Variants in NECAP2 observed in about 807,000 individuals in gnomAD.
NECAP2 encodes the protein adaptin ear-binding coat-associated protein 2.
Under a neutral mutation model 37.8 loss-of-function variants are expected in NECAP2, and 38 were observed. The observed-to-expected ratio is 1.01, with a 90% CI of 0.78 to 1.32. The LOEUF is 1.32. NECAP2 is among the 40% of genes most tolerant of loss of function. NECAP2 has a pLI of 0.00. For synonymous variants in NECAP2, 121 were observed against 127.7 expected, an observed-to-expected ratio of 0.95 and a Z score of 0.35; for missense variants, 316 against 334.5, an observed-to-expected ratio of 0.94 and a Z score of 0.43.
chr1:16,448,117 A>G lies in NECAP2; in HGVS notation c.356A>G (p.Asn119Ser), dbSNP rs769334345. The G allele has an allele frequency of 1.2e-6, 2 of 1,614,074 alleles. No individual in the cohort carries two copies. Among genetic ancestry groups the G allele is most frequent in the Non-Finnish European group, 1.7e-6 (2 of 1,179,998 alleles). The change falls in exon 4 of 8, where the codon AAT becomes AGT. Residue 119 changes from asparagine (N) to serine (S), a missense_variant. By Grantham distance (46) the Asn-to-Ser change is conservative. Transcript: ENST00000337132. The part of the protein sequence containing the change: ...FGDRGDAFDF[N>S]VALQDHFKWV... ...GACCGAGGTGATGCCTTTGACTTCAATGTTGCATTGCAGGACCATTTCAAG... is the reference window on the plus strand; with the variant it reads ...GACCGAGGTGATGCCTTTGACTTCAGTGTTGCATTGCAGGACCATTTCAAG...
intron 6 of NECAP2, 33 bp from the exon 7 acceptor site, chr1:16,455,785 C>G (rs752989951): frequency 7.0e-6 from 11 of 1,580,890 alleles, no homozygotes; most frequent in Non-Finnish European, 9.6e-6. Flanking sequence ...CCCCTCTTCT[C>G]TTCCTACGGG....
rs2100942781 is a variant in NECAP2 at position 16,443,149 on chromosome 1, C to G, written c.93-483C>G. Reference sequence around the variant, plus strand: ...CAGAATCAGGCCCCTGCAGCTGCTGCTTCTATAGAAAGGAAACTGGAAGGA... The same window carrying G: ...CAGAATCAGGCCCCTGCAGCTGCTGGTTCTATAGAAAGGAAACTGGAAGGA... On this transcript the variant is annotated intron_variant, in intron 1 of 7. Transcript: ENST00000337132. 1.3e-5 allele frequency among the ~76,000 whole-genome samples: 2 copies of G among 152,304 alleles called. 1 individual carries two copies. The highest frequency in any genetic ancestry group is 4.1e-4 in the South Asian group (2 of 4,830).
chr1:16,453,406 G>T (rs145818947), intron 6 of NECAP2, among the ~76,000 whole-genome samples: 1 of 152,132 alleles, frequency 6.6e-6, no homozygotes, highest in Admixed American at 6.5e-5. Context: ...ACTGCACCCG[G>T]CCCTTATGTT....
chr1:16,450,329 T>G, intron 5 of NECAP2: 1 of 343,156 alleles, frequency 2.9e-6, no homozygotes. Flanking sequence ...TTAAACATCC[T>G]CTCCCTTTCC....
chr1:16,458,913 G>T lies in NECAP2; in HGVS notation c.*23G>T. On this transcript the variant is annotated 3_prime_UTR_variant, in exon 8 of 8. Transcript: ENST00000337132. ...TGACCTGAGCACGGTTTTTCCTCAT[G>T]TGACTTCTGGGAAGGCGCTCCCTCA... 1 of 1,614,076 alleles carries T rather than the reference G, an allele frequency of 6.2e-7. No individual in the cohort carries two copies. The highest frequency in any genetic ancestry group is 8.5e-7 in the Non-Finnish European group (1 of 1,180,012).
At chr1:16,456,019 C>CTTT in intron 7 of NECAP2, 126 bp downstream of exon 7, 2 of 527,610 alleles carry the variant, frequency 3.8e-6, no homozygotes, top group South Asian at 3.1e-5. Context: ...TGGATGTTTT[C>CTTT]TTTTCTTTTT....
chr1:16,453,625 A>T (rs1215597572), intron 6 of NECAP2, among the ~76,000 whole-genome samples: 2 of 152,030 alleles, frequency 1.3e-5, no homozygotes, highest in Non-Finnish European at 2.9e-5. Flanking sequence ...AGTAGCTGAG[A>T]TTACAGGCAC....
At chr1:16,444,972 C>T (rs2086738920) in intron 2 of NECAP2, among the ~76,000 whole-genome samples, 1 of 152,128 alleles carries the variant, frequency 6.6e-6, no homozygotes, top group South Asian at 2.1e-4. Context: ...CAGGCGCCCC[C>T]CCACCACGCC....
chr1:16,449,458 C>A, intron 5 of NECAP2: 1 of 431,598 alleles, frequency 2.3e-6, no homozygotes, highest in Non-Finnish European at 4.1e-6. Context: ...GCCCTGGGTG[C>A]CGTGGGCTCC....
chr1:16,456,019 C>CTT, intron 7 of NECAP2, 126 bp downstream of exon 7: 10 of 527,594 alleles, frequency 1.9e-5, no homozygotes, highest in Admixed American at 7.0e-5. Flanking sequence ...TGGATGTTTT[C>CTT]TTTTCTTTTT....
chr1:16,457,451 C>CA (rs1002667984), intron 7 of NECAP2, among the ~76,000 whole-genome samples: 1 of 151,998 alleles, frequency 6.6e-6, no homozygotes, highest in Non-Finnish European at 1.5e-5. Context: ...GACTCCATCT[C>CA]AAAAAACAAA....
intron 1 of NECAP2, 112 bp from the exon 2 acceptor site, chr1:16,443,520 C>T (rs1158368807): frequency 1.3e-6 from 1 of 784,728 alleles, no homozygotes; most frequent in Non-Finnish European, 2.1e-6. Flanking sequence ...TGACTCTTTA[C>T]AGAAAATGTT....
chr1:16,448,963 C>A (rs2086802494), intron 4 of NECAP2, 130 bp from the exon 5 acceptor site: 1 of 631,584 alleles, frequency 1.6e-6, no homozygotes, highest in Non-Finnish European at 2.8e-6. Flanking sequence ...CAAGCCTGCA[C>A]TCTTTCCAGC....
intron 2 of NECAP2, 97 bp from the exon 3 acceptor site, chr1:16,447,773 A>C: frequency 2.2e-6 from 2 of 911,734 alleles, no homozygotes; most frequent in South Asian, 1.3e-5. Flanking sequence ...TCAGCTGGTT[A>C]GAGATGCCTT....
intron 7 of NECAP2, 91 bp from the exon 8 acceptor site, chr1:16,458,751 G>C: frequency 7.2e-7 from 1 of 1,380,858 alleles, no homozygotes. Context: ...GCTTCTTAGA[G>C]CTTTTTCTGT....
At chr1:16,456,269 C>A (rs1311401112) in intron 7 of NECAP2, among the ~76,000 whole-genome samples, 1 of 152,206 alleles carries the variant, frequency 6.6e-6, no homozygotes, top group Non-Finnish European at 1.5e-5. Context: ...AGGCGATCCA[C>A]CTGCCTCGTC....
chr1:16,440,887 A>G (rs1360124596), intron 1 of NECAP2, 34 bp downstream of exon 1: 4 of 1,579,944 alleles, frequency 2.5e-6, no homozygotes, highest in East Asian at 2.2e-5. Context: ...GCTAGCTCCA[A>G]TTTAACCCTT....
In NECAP2 at chr1:16,449,073, T is replaced by A. The variant is rs745407395; in HGVS notation, c.381-20T>A. 2 of 1,570,078 alleles carry A rather than the reference T, an allele frequency of 1.3e-6. No individual in the cohort carries two copies. The highest frequency in any genetic ancestry group is 2.3e-5 in the South Asian group (2 of 87,954). ...CTGGTCTCTTCCTTCCTCACCTTTTTCCTCATGTTCTCTCCCCAGGTGGGT... is the reference window on the plus strand; with the variant it reads ...CTGGTCTCTTCCTTCCTCACCTTTTACCTCATGTTCTCTCCCCAGGTGGGT... On this transcript the variant is annotated intron_variant, in intron 4 of 7. Coordinates refer to ENST00000337132, the MANE Select transcript of NECAP2 (RefSeq NM_018090.5).
At chr1:16,444,967 G>GC (rs758976913) in intron 2 of NECAP2, among the ~76,000 whole-genome samples, 62 of 151,864 alleles carry the variant, frequency 4.1e-4, no homozygotes, top group Admixed American at 9.2e-4. Flanking sequence ...GATTACAGGC[G>GC]CCCCCCCACC....
Sources: gnomAD v4.1 joint callset for allele counts (sites outside exome capture counted in the v4.1 genomes callset) on GRCh38, gnomAD v4.1.1 for gene constraint, MANE v1.5 for transcripts, NCBI Gene and HGNC (gene_info 2026-07-23, HGNC 2026-07-21) for gene names.